The following THRAP3 variants were observed in gnomAD, a reference collection of about 807,000 sequenced individuals.
THRAP3 encodes thyroid hormone receptor-associated protein 3.
In THRAP3, 16 loss-of-function variants were observed where a neutral mutation model predicts 101.0. That is an observed-to-expected ratio of 0.16 (90% CI 0.11 to 0.24). The LOEUF is 0.24. THRAP3 is among the 10% of genes least tolerant of loss of function. The pLI, the probability that THRAP3 is intolerant of heterozygous loss-of-function variation, is 1.00. For synonymous variants in THRAP3, 407 were observed against 422.6 expected (o/e 0.96, Z 0.45); for missense variants, 989 against 1,202.7 (o/e 0.82, Z 2.63).
chr1:36,301,534 C>T lies in THRAP3; in HGVS notation c.2503-19C>T, dbSNP rs1412573598. ...CCTGGCATGATCCTTTGTTCTTTTT[C>T]CCTCATTTATTGCAATAGCAGTTTC... On this transcript the variant is annotated intron_variant, in intron 10 of 11. Coordinates refer to ENST00000354618, the MANE Select transcript of THRAP3 (RefSeq NM_005119.4). 1.2e-6 allele frequency: 2 copies of T among 1,605,496 alleles called. No individual in the cohort carries two copies. The highest frequency in any genetic ancestry group is 1.7e-6 in the Non-Finnish European group (2 of 1,177,296).
intron 7 of THRAP3, among the ~76,000 whole-genome samples, chr1:36,293,028 C>CTTTTTTTTTTTTTTTTTTTTTTTTTTT (rs71053920): frequency 1.2e-5 from 1 of 82,798 alleles, no homozygotes; most frequent in Non-Finnish European, 2.2e-5. Flanking sequence ...CTTTTCTTGT[C>CTTTTTTTTTTTTTTTTTTTTTTTTTTT]TTTTTTTTTT....
chr1:36,246,754 A>C (rs1008005890), intron 1 of THRAP3, among the ~76,000 whole-genome samples: 1 of 151,974 alleles, frequency 6.6e-6, no homozygotes, highest in Admixed American at 6.6e-5. Context: ...AGGCAGGAGA[A>C]TGGCGTGAAC....
At chr1:36,265,983 G>T (rs184493212) in intron 2 of THRAP3, among the ~76,000 whole-genome samples, 1 of 151,818 alleles carries the variant, frequency 6.6e-6, no homozygotes, top group Non-Finnish European at 1.5e-5. Flanking sequence ...GTGAGACCCC[G>T]TCTGTATTGA....
chr1:36,287,252 G>A lies in THRAP3; in HGVS notation c.1022G>A (p.Gly341Glu). 1 of 1,610,010 alleles carries A rather than the reference G, an allele frequency of 6.2e-7. No homozygotes were observed. The highest frequency in any genetic ancestry group is 8.5e-7 in the Non-Finnish European group (1 of 1,177,842). Residue 341 changes from glycine to glutamate, a missense_variant, in exon 4 of 12, where the codon GGA (glycine) becomes GAA (glutamate). Transcript: ENST00000354618. ...AAGGAGGAGAGTGCTGCTTCAGGAG[G>A]AGCAGCCTATACAAAGAGGCAAGTA... ...SQKEESAASG[G>E]AAYTKRYLEE... is the part of the protein sequence containing the mutation.
At chr1:36,288,697 A>G (rs1426289786) in intron 4 of THRAP3, 1 of 985,348 alleles carries the variant, frequency 1.0e-6, no homozygotes, top group Non-Finnish European at 1.2e-6. Context: ...ATTTTAAGTG[A>G]CTGAGTGAAG....
In THRAP3 at chr1:36,249,193, CTT is replaced by C. The variant is rs35410710; in HGVS notation, c.-134-10172_-134-10171del. Among the ~76,000 whole-genome samples the C allele has an allele frequency of 8.0e-3, 936 of 117,446 alleles. 9 individuals are homozygous for C. Among genetic ancestry groups the C allele is most frequent in the Non-Finnish European group, 0.012 (657 of 56,928 alleles). 77.0% of individuals were successfully genotyped at this position (117,446 alleles called of 152,430 possible). A position where few individuals can be genotyped will look rare whatever the true frequency, so the allele number is the denominator to read the frequency against. On this transcript the variant is annotated intron_variant, in intron 1 of 11. Coordinates refer to ENST00000354618, the MANE Select transcript of THRAP3 (RefSeq NM_005119.4). ...CCACCGCACCCAGCCAGCACAGTCC[CTT>C]TTTTTTTTTTTTTTTTGAGATGGAG...
chr1:36,288,425 C>T (rs1187017478), intron 4 of THRAP3: 1 of 985,316 alleles, frequency 1.0e-6, no homozygotes, highest in African/African-American at 1.7e-5. Flanking sequence ...CATGCCAGGA[C>T]TGTGAATCTC....
At chr1:36,252,163 T>C (rs1645309196) in intron 1 of THRAP3, among the ~76,000 whole-genome samples, 1 of 152,238 alleles carries the variant, frequency 6.6e-6, no homozygotes, top group African/African-American at 2.4e-5. Flanking sequence ...TTTGCTCTTG[T>C]TGCCCAGGCT....
intron 1 of THRAP3, among the ~76,000 whole-genome samples, chr1:36,252,906 C>CA (rs1645320502): frequency 9.1e-6 from 1 of 109,744 alleles, no homozygotes; most frequent in African/African-American, 3.4e-5. Context: ...GACTCTGTCT[C>CA]AAAAAATATA....
At chr1:36,210,322 C>T in the THRAP3 span, among the ~76,000 whole-genome samples, 3 of 147,038 alleles carry the variant, frequency 2.0e-5, no homozygotes, top group South Asian at 4.3e-4. Context: ...GCGGAGATAG[C>T]GCCACTGCAC....
In THRAP3 at chr1:36,291,359, A is replaced by G. The variant is rs200770927; in HGVS notation, c.1746-15A>G. ...TATTGTGTTCTAATTGGGCCTCCCCATATTTCTTTTTCAGACCCAGTGGCT... is the reference window on the plus strand; with the variant it reads ...TATTGTGTTCTAATTGGGCCTCCCCGTATTTCTTTTTCAGACCCAGTGGCT... On this transcript the variant is annotated splice_polypyrimidine_tract_variant and intron_variant, in intron 5 of 11. Transcript: ENST00000354618. 8 of 1,611,790 alleles carry G rather than the reference A, an allele frequency of 5.0e-6. No individual in the cohort carries two copies. The East Asian group carries it at 6.7e-5, about 13-fold the overall frequency.
chr1:36,227,290 T>C (rs1644972948), intron 1 of THRAP3, among the ~76,000 whole-genome samples: 1 of 151,968 alleles, frequency 6.6e-6, no homozygotes, highest in Non-Finnish European at 1.5e-5. Flanking sequence ...TTTACAACTT[T>C]TTTTTTTTTT....
chr1:36,292,740 T>G, intron 7 of THRAP3, 31 bp downstream of exon 7: 550 of 1,518,474 alleles, frequency 3.6e-4, no homozygotes, highest in Non-Finnish European at 4.5e-4. Flanking sequence ...CTGGAGGTTG[T>G]AATAAAAGAC....
chr1:36,255,016 G>A (rs1645354479), intron 1 of THRAP3, among the ~76,000 whole-genome samples: 1 of 152,128 alleles, frequency 6.6e-6, no homozygotes, highest in Admixed American at 6.5e-5. Flanking sequence ...CCTACTTGGA[G>A]CAGACATTGC....
intron 3 of THRAP3, among the ~76,000 whole-genome samples, chr1:36,283,937 T>G (rs1409931673): frequency 6.6e-6 from 1 of 152,164 alleles, no homozygotes. Flanking sequence ...AACCCTAAAT[T>G]TATTTACCTC....
intron 1 of THRAP3, among the ~76,000 whole-genome samples, chr1:36,246,698 C>T (rs867447499): frequency 5.9e-5 from 9 of 151,636 alleles, no homozygotes; most frequent in African/African-American, 1.9e-4. Context: ...AAAAATTAGC[C>T]GGGAGTGGTG....
the THRAP3 span, among the ~76,000 whole-genome samples, chr1:36,214,552 G>T: frequency 6.6e-6 from 1 of 152,072 alleles, no homozygotes; most frequent in Non-Finnish European, 1.5e-5. Context: ...CTGTACCATA[G>T]TAATCCTTTA....
chr1:36,275,892 G>A (rs1166627788), intron 2 of THRAP3, among the ~76,000 whole-genome samples: 1 of 152,008 alleles, frequency 6.6e-6, no homozygotes, highest in Non-Finnish European at 1.5e-5. Context: ...GGTGACACAT[G>A]CCTGTAGTCT....
chr1:36,276,422 G>A (rs1478781641), intron 2 of THRAP3, among the ~76,000 whole-genome samples: 1 of 151,812 alleles, frequency 6.6e-6, no homozygotes, highest in Admixed American at 6.6e-5. Flanking sequence ...TACTCGGGAG[G>A]CTGAGGCAGG....
Sources: allele counts gnomAD v4.1 joint callset (sites outside exome capture counted in the v4.1 genomes callset), GRCh38; gene constraint gnomAD v4.1.1; transcripts MANE v1.5; gene names NCBI Gene and HGNC (gene_info 2026-07-23, HGNC 2026-07-21).